Variants in ZFHX3 observed in about 807,000 individuals in gnomAD.
ZFHX3 encodes zinc finger homeobox protein 3.
A neutral mutation model predicts 279.1 loss-of-function variants in ZFHX3; 42 were observed. The ratio of observed to expected loss-of-function variants is 0.15; its 90% CI spans 0.12 to 0.19. The LOEUF (loss-of-function observed/expected upper bound fraction) is 0.19. Ranked by LOEUF, ZFHX3 falls within the 10% of genes least tolerant of loss-of-function variation. ZFHX3 has a pLI of 1.00. For synonymous variants in ZFHX3, 2,293 were observed against 1,957.8 expected (o/e 1.17, Z -4.52); for missense variants, 4,981 against 4,754.0 (o/e 1.05, Z -1.40).
At chr16:73,105,380 TATACACAC>T (rs1398621205) in intron 7 of ZFHX3, among the ~76,000 whole-genome samples, 5 of 44,040 alleles carry the variant, frequency 1.1e-4, no homozygotes, top group African/African-American at 4.4e-4. Context: ...CATATATATA[TATACACAC>T]ACACACATAT....
chr16:72,920,433 C>A (rs894331958), intron 3 of ZFHX3, among the ~76,000 whole-genome samples: 1 of 152,048 alleles, frequency 6.6e-6, no homozygotes, highest in Non-Finnish European at 1.5e-5. Context: ...GTAATCCAAG[C>A]ACTTTGGGAG....
intron 4 of ZFHX3, among the ~76,000 whole-genome samples, chr16:73,259,433 C>G (rs2013754222): frequency 1.3e-5 from 2 of 152,146 alleles, no homozygotes; most frequent in Admixed American, 6.6e-5. Context: ...TGTTCTTAAC[C>G]ACTACTCTTA....
intron 2 of ZFHX3, among the ~76,000 whole-genome samples, chr16:73,652,461 C>T (rs913435903): frequency 1.3e-5 from 2 of 152,156 alleles, no homozygotes; most frequent in East Asian, 1.9e-4. Flanking sequence ...AATATTCTCA[C>T]TAAAGAAAAT....
At chr16:73,798,417 TAAG>T (rs1960055584) in intron 1 of ZFHX3, among the ~76,000 whole-genome samples, 1 of 151,404 alleles carries the variant, frequency 6.6e-6, no homozygotes, top group African/African-American at 2.4e-5. Flanking sequence ...GGCCAAAATT[TAAG>T]GAGAAGGTGC....
chr16:73,128,915 TTGGAGTAA>T (rs1966621828), intron 7 of ZFHX3, among the ~76,000 whole-genome samples: 1 of 152,164 alleles, frequency 6.6e-6, no homozygotes, highest in Non-Finnish European at 1.5e-5. Context: ...CATGTGGTTG[TTGGAGTAA>T]TGGTCATGTT....
At chr16:73,361,231 C>T (rs894113989) in intron 3 of ZFHX3, among the ~76,000 whole-genome samples, 12 of 152,242 alleles carry the variant, frequency 7.9e-5, no homozygotes, top group African/African-American at 2.7e-4. Context: ...TGCCTCCTCC[C>T]ATACCAACTC....
At chr16:73,611,658 C>G (rs2143883918) in intron 2 of ZFHX3, among the ~76,000 whole-genome samples, 1 of 152,282 alleles carries the variant, frequency 6.6e-6, no homozygotes. Flanking sequence ...GAGTTTCTGG[C>G]AATTGTGTGC....
intron 2 of ZFHX3, among the ~76,000 whole-genome samples, chr16:73,568,236 A>C (rs1800443447): frequency 6.7e-6 from 1 of 148,858 alleles, no homozygotes; most frequent in Non-Finnish European, 1.5e-5. Flanking sequence ...TAAAAACACA[A>C]GTGAGAAAAC....
intron 5 of ZFHX3, among the ~76,000 whole-genome samples, chr16:72,827,991 A>C (rs536078244): frequency 1.3e-5 from 2 of 152,104 alleles, no homozygotes; most frequent in South Asian, 2.1e-4. Context: ...CTACCTCTCT[A>C]ATTTCTCTTT....
intron 1 of ZFHX3, among the ~76,000 whole-genome samples, chr16:73,038,501 C>A (rs1382710296): frequency 2.6e-5 from 4 of 152,238 alleles, no homozygotes; most frequent in Admixed American, 2.6e-4. Context: ...ATGACGGCCA[C>A]AACTGCACGC....
intron 2 of ZFHX3, among the ~76,000 whole-genome samples, chr16:73,465,500 G>A (rs546185564): frequency 6.6e-5 from 10 of 151,984 alleles, no homozygotes; most frequent in South Asian, 4.2e-4. Context: ...AGACTGGAAC[G>A]TCCTCCTTAC....
At chr16:73,387,560 T>C (rs978000184) in intron 3 of ZFHX3, among the ~76,000 whole-genome samples, 8 of 152,062 alleles carry the variant, frequency 5.3e-5, no homozygotes, top group African/African-American at 1.9e-4. Flanking sequence ...GAGACTACAA[T>C]TAATTTCTGT....
At chr16:73,050,375 CTTT>C (rs1965427563), upstream of ZFHX3, among the ~76,000 whole-genome samples, 1 of 152,132 alleles carries the variant, frequency 6.6e-6, no homozygotes, top group African/African-American at 2.4e-5. Context: ...CCCTGAGTTC[CTTT>C]TCTTTATCTG....
chr16:73,386,023 G>C (rs1207289165), intron 3 of ZFHX3, among the ~76,000 whole-genome samples: 1 of 152,142 alleles, frequency 6.6e-6, no homozygotes, highest in African/African-American at 2.4e-5. Flanking sequence ...ATGCGGTTTG[G>C]TCTAACACAA....
intron 5 of ZFHX3, among the ~76,000 whole-genome samples, chr16:73,157,281 T>C (rs963501561): frequency 6.6e-5 from 10 of 151,974 alleles, no homozygotes; most frequent in Non-Finnish European, 1.5e-4. Context: ...CCGTGACAGT[T>C]GTTCCCTCAA....
At chr16:73,584,870 A>G (rs2051907099) in intron 2 of ZFHX3, among the ~76,000 whole-genome samples, 1 of 152,212 alleles carries the variant, frequency 6.6e-6, no homozygotes, top group African/African-American at 2.4e-5. Context: ...AGAATCTACA[A>G]TGAACTTAAG....
intron 3 of ZFHX3, among the ~76,000 whole-genome samples, chr16:73,331,428 T>G (rs2143228288): frequency 6.6e-6 from 1 of 152,342 alleles, no homozygotes; most frequent in African/African-American, 2.4e-5. Context: ...ATGTGTTAAC[T>G]ATTCCTCAAT....
At chr16:73,622,828 A>G (rs190377030) in intron 2 of ZFHX3, among the ~76,000 whole-genome samples, 1 of 152,274 alleles carries the variant, frequency 6.6e-6, no homozygotes, top group Admixed American at 6.5e-5. Context: ...CGCTCTGCGA[A>G]TTTCCCTAAA....
chr16:73,550,404 T>C (rs969320428), intron 2 of ZFHX3, among the ~76,000 whole-genome samples: 1 of 152,214 alleles, frequency 6.6e-6, no homozygotes. Context: ...AGTCTGCCTA[T>C]GTTTACAGTA....
Sources: allele counts gnomAD v4.1 joint callset (sites outside exome capture counted in the v4.1 genomes callset), GRCh38; gene constraint gnomAD v4.1.1; transcripts MANE v1.5; gene names NCBI Gene and HGNC (gene_info 2026-07-23, HGNC 2026-07-21).